Variants in PDE1C observed in about 807,000 individuals in gnomAD.
PDE1C encodes phosphodiesterase 1C, also known as dual specificity calcium/calmodulin-dependent 3',5'-cyclic nucleotide phosphodiesterase 1C.
PDE1C carries 62 observed loss-of-function variants against 93.1 expected under a neutral mutation model. That is an observed-to-expected ratio of 0.67 (90% CI 0.54 to 0.82). The LOEUF is 0.82. Among genes scored for constraint, PDE1C ranks in the 40% least tolerant of loss-of-function variants. PDE1C has a pLI of 0.00. For missense variants in PDE1C, 742 were observed against 884.6 expected, an observed-to-expected ratio of 0.84 and a Z score of 2.04; for synonymous variants, 325 against 310.1, an observed-to-expected ratio of 1.05 and a Z score of -0.50.
chr7:32,335,349 C>T (rs1434935665), intron 1 of PDE1C, among the ~76,000 whole-genome samples: 2 of 152,330 alleles, frequency 1.3e-5, no homozygotes, highest in Non-Finnish European at 2.9e-5. Context: ...GCCCAGAAGG[C>T]TCTGTGAAGC....
At chr7:32,405,342 G>A (rs926038101) in intron 1 of PDE1C, among the ~76,000 whole-genome samples, 4 of 149,362 alleles carry the variant, frequency 2.7e-5, no homozygotes, top group Non-Finnish European at 4.4e-5. Flanking sequence ...ACCTCTGCCC[G>A]CCAGGTTCAA....
intron 1 of PDE1C, among the ~76,000 whole-genome samples, chr7:32,231,141 GA>G (rs1462182256): frequency 6.6e-6 from 1 of 152,152 alleles, no homozygotes; most frequent in African/African-American, 2.4e-5. Flanking sequence ...TCATAACATA[GA>G]AGTCACTCTC....
At chr7:31,790,219 C>T (rs761334999) in intron 16 of PDE1C, 10 of 1,612,198 alleles carry the variant, frequency 6.2e-6, no homozygotes, top group Non-Finnish European at 7.6e-6. Flanking sequence ...ACACTGGCAG[C>T]CTCTTTTATT....
intron 3 of PDE1C, among the ~76,000 whole-genome samples, chr7:32,094,061 C>T (rs766028903): frequency 7.9e-5 from 12 of 152,262 alleles, no homozygotes; most frequent in Admixed American, 2.0e-4. Flanking sequence ...CACTGTCTTA[C>T]TCTCGCAAGT....
the PDE1C span, among the ~76,000 whole-genome samples, chr7:31,638,180 TAAG>T: frequency 6.6e-6 from 1 of 152,330 alleles, no homozygotes; most frequent in Admixed American, 6.5e-5. Flanking sequence ...ACAGTTGATA[TAAG>T]GAGGAAAACG....
the PDE1C span, among the ~76,000 whole-genome samples, chr7:31,657,207 G>C: frequency 1.5e-4 from 2 of 13,156 alleles, no homozygotes; most frequent in African/African-American, 7.0e-4. Flanking sequence ...CAAAAAGACT[G>C]TAAGTTGTCT....
chr7:31,750,140 G>T (rs1217991366), downstream of PDE1C, among the ~76,000 whole-genome samples: 2 of 152,168 alleles, frequency 1.3e-5, no homozygotes, highest in Non-Finnish European at 2.9e-5. Context: ...AAATTTGGAA[G>T]AATAAAGCAA....
chr7:32,076,650 A>C (rs1253049637), intron 3 of PDE1C, among the ~76,000 whole-genome samples: 1 of 130,412 alleles, frequency 7.7e-6, no homozygotes, highest in Non-Finnish European at 1.7e-5. Flanking sequence ...CTCAAAAAAA[A>C]AAAAAAAGAA....
Position 31,879,151 on chromosome 7 carries a change from G to T in PDE1C, c.270C>A (p.Leu90=). The change falls in exon 4 of 18, where the codon CTC becomes CTA. Residue 90 remains leucine (L), a synonymous_variant. Transcript: ENST00000396191. ...TRRLLDTEDE[L]SDIQSDAVPS... ...GCACAGCATCTGACTGAATGTCACT[G>T]AGCTCATCCTCTGTATCCAGGAGTC... 2 of 1,613,932 alleles carry T rather than the reference G, an allele frequency of 1.2e-6. No homozygotes were observed. Among genetic ancestry groups the T allele is most frequent in the Non-Finnish European group, 8.5e-7 (1 of 1,179,994 alleles).
chr7:32,306,812 C>T (rs991899070), intron 1 of PDE1C, among the ~76,000 whole-genome samples: 1 of 152,148 alleles, frequency 6.6e-6, no homozygotes, highest in Non-Finnish European at 1.5e-5. Flanking sequence ...AAAACACATA[C>T]AAGAGGACTT....
At chr7:32,069,342 C>T (rs1039683573) in intron 1 of PDE1C, among the ~76,000 whole-genome samples, 1 of 152,086 alleles carries the variant, frequency 6.6e-6, no homozygotes, top group Non-Finnish European at 1.5e-5. Context: ...CCCATCAGTG[C>T]CCTTGTTAGA....
chr7:32,239,822 G>C (rs750804760), intron 1 of PDE1C, among the ~76,000 whole-genome samples: 1 of 152,180 alleles, frequency 6.6e-6, no homozygotes, highest in Non-Finnish European at 1.5e-5. Flanking sequence ...CACATGGTAG[G>C]ATTGTTCTTC....
chr7:31,779,139 G>A (rs1325430188), intron 16 of PDE1C, among the ~76,000 whole-genome samples: 3 of 152,184 alleles, frequency 2.0e-5, no homozygotes, highest in Admixed American at 2.0e-4. Context: ...TATTTCACAG[G>A]TGGCCCAGGT....
At chr7:32,340,627 T>G (rs968449983) in intron 1 of PDE1C, among the ~76,000 whole-genome samples, 10 of 152,196 alleles carry the variant, frequency 6.6e-5, no homozygotes, top group Non-Finnish European at 1.2e-4. Context: ...AAACAAACTG[T>G]GTTATATCCA....
chr7:31,831,507 C>T (rs1790401667), intron 11 of PDE1C, among the ~76,000 whole-genome samples: 1 of 151,836 alleles, frequency 6.6e-6, no homozygotes, highest in Non-Finnish European at 1.5e-5. Flanking sequence ...CGCACACACA[C>T]ACACACACAC....
At chr7:31,797,888 G>C (rs150130298) in intron 16 of PDE1C, among the ~76,000 whole-genome samples, 118 of 151,840 alleles carry the variant, frequency 7.8e-4, no homozygotes, top group Middle Eastern at 3.4e-3. Context: ...GAATTAATGT[G>C]TGGCTAAAAA....
chr7:32,113,352 C>T lies in PDE1C; in HGVS notation c.308+56433G>A, dbSNP rs185983597. 1.5e-3 allele frequency among the ~76,000 whole-genome samples: 217 copies of T among 145,394 alleles called. 1 individual carries two copies. Among genetic ancestry groups the T allele is most frequent in the Middle Eastern group, 3.8e-3 (1 of 262 alleles). ...ATATATATCTATCTCAATTTCTGGG[C>T]TCTTTATTCTGTTTTATTCATCTCT... On this transcript the variant is annotated intron_variant, in intron 3 of 18. Coordinates refer to the PDE1C transcript ENST00000396193.
chr7:32,307,416 C>T (rs11763545), intron 1 of PDE1C, among the ~76,000 whole-genome samples: 1 of 152,300 alleles, frequency 6.6e-6, no homozygotes, highest in Admixed American at 6.5e-5. Context: ...ACACACATCC[C>T]TTCCTCCCAC....
At chr7:31,806,248 T>G (rs1786808882) in intron 16 of PDE1C, among the ~76,000 whole-genome samples, 1 of 151,942 alleles carries the variant, frequency 6.6e-6, no homozygotes, top group South Asian at 2.1e-4. Context: ...TCTGTTAATG[T>G]GATCAAGTAA....
Sources: allele counts gnomAD v4.1 joint callset (sites outside exome capture counted in the v4.1 genomes callset), GRCh38; gene constraint gnomAD v4.1.1; transcripts MANE v1.5; gene names NCBI Gene and HGNC (gene_info 2026-07-23, HGNC 2026-07-21).